The following RIN2 variants were observed in gnomAD, a reference collection of about 807,000 sequenced individuals.
The protein encoded by RIN2 is RAB5 interacting protein 2.
A neutral mutation model predicts 78.0 loss-of-function variants in RIN2; 36 were observed. The ratio of observed to expected loss-of-function variants is 0.46; its 90% CI spans 0.35 to 0.61. The LOEUF is 0.61. Ranked by LOEUF, RIN2 falls within the 20% of genes least tolerant of loss-of-function variation. The pLI is 0.00. For missense variants in RIN2, 1,087 were observed against 1,159.7 expected (o/e 0.94, Z 0.91); for synonymous variants, 466 against 466.8 (o/e 1.00, Z 0.02).
At chr20:19,801,382 G>A (rs750131578) in intron 2 of RIN2, among the ~76,000 whole-genome samples, 23 of 151,834 alleles carry the variant, frequency 1.5e-4, no homozygotes, top group African/African-American at 2.7e-4. Context: ...GTGCAGTGGC[G>A]CAATGTCGGC....
chr20:19,900,644 A>G (rs1392357310), intron 3 of RIN2, among the ~76,000 whole-genome samples: 1 of 115,108 alleles, frequency 8.7e-6, no homozygotes, highest in Non-Finnish European at 1.8e-5. Flanking sequence ...AAAAAAAGAA[A>G]AAACAAAAAC....
At chr20:19,911,484 T>A (rs2039464028) in intron 3 of RIN2, among the ~76,000 whole-genome samples, 1 of 152,222 alleles carries the variant, frequency 6.6e-6, no homozygotes, top group Non-Finnish European at 1.5e-5. Context: ...CTCTAAATCC[T>A]CCTTGTGTAT....
chr20:19,958,651 T>C (rs1036099654), intron 5 of RIN2, among the ~76,000 whole-genome samples: 1 of 152,186 alleles, frequency 6.6e-6, no homozygotes, highest in Non-Finnish European at 1.5e-5. Flanking sequence ...AGCAGATCAC[T>C]TGAGATCAGG....
chr20:19,974,873 A>T lies in RIN2; in HGVS notation c.848A>T (p.Asp283Val), dbSNP rs763012293. The T allele has an allele frequency of 2.9e-5, 47 of 1,613,850 alleles. 1 individual carries two copies. Among genetic ancestry groups the T allele is most frequent in the Non-Finnish European group, 8.5e-7 (1 of 1,179,902 alleles). ...CTTTTCTTGAAAGTGCACAGCCAGGACCTCAGTGGAGGCCTGAAACGGCCG... is the reference window on the plus strand; with the variant it reads ...CTTTTCTTGAAAGTGCACAGCCAGGTCCTCAGTGGAGGCCTGAAACGGCCG... ...NPLFLKVHSQ[D>V]LSGGLKRPST... The change falls in exon 9 of 13, where the codon GAC becomes GTC. Residue 283 changes from aspartate (D) to valine (V), a missense_variant. Coordinates refer to ENST00000255006, the MANE Select transcript of RIN2 (RefSeq NM_018993.4).
At chr20:19,823,962 C>T (rs1028966383) in intron 2 of RIN2, 7 of 1,402,364 alleles carry the variant, frequency 5.0e-6, no homozygotes, top group African/African-American at 4.3e-5. Context: ...CAGCTGGTGT[C>T]GGATGAACCC....
intron 3 of RIN2, among the ~76,000 whole-genome samples, chr20:19,906,689 T>C (rs938977014): frequency 6.6e-6 from 1 of 152,230 alleles, no homozygotes; most frequent in Non-Finnish European, 1.5e-5. Context: ...CCAGGGTTTC[T>C]AATTTTCAAG....
chr20:19,949,505 A>C (rs6081823), intron 4 of RIN2, among the ~76,000 whole-genome samples: 40,446 of 152,056 alleles, frequency 0.27, 6,077 homozygotes, highest in East Asian at 0.43. Context: ...CTTGAACTTT[A>C]TTTTTGCTAT....
intron 4 of RIN2, among the ~76,000 whole-genome samples, chr20:19,941,021 C>CA (rs566661541): frequency 1.3e-5 from 2 of 152,332 alleles, no homozygotes; most frequent in South Asian, 4.1e-4. Context: ...CTCCTGCTGC[C>CA]ACTTCGCTGG....
At chr20:19,958,882 TAAATA>T (rs1430363274) in intron 5 of RIN2, among the ~76,000 whole-genome samples, 1 of 151,556 alleles carries the variant, frequency 6.6e-6, no homozygotes, top group Non-Finnish European at 1.5e-5. Flanking sequence ...ATAAAATAAT[TAAATA>T]AAATAAAGAA....
chr20:19,901,889 G>A (rs981777013), intron 3 of RIN2, among the ~76,000 whole-genome samples: 5 of 151,732 alleles, frequency 3.3e-5, no homozygotes, highest in Non-Finnish European at 4.4e-5. Flanking sequence ...TGGTGCAGGC[G>A]CCTGTAATCT....
chr20:19,919,072 G>T (rs1230689285), intron 3 of RIN2, among the ~76,000 whole-genome samples: 1 of 152,218 alleles, frequency 6.6e-6, no homozygotes, highest in Non-Finnish European at 1.5e-5. Context: ...TCCAGGCTTT[G>T]TGTTTCCCCA....
At position 20,002,379 on chromosome 20, in the gene RIN2, T is replaced by G. The variant is rs1214778453; in HGVS notation, c.*1443T>G. On this transcript the variant is annotated 3_prime_UTR_variant, in exon 13 of 13. Transcript: ENST00000255006. ...TACTGTGTTGTACTTTTGTAAATGA[T>G]TTTTTAAATGGAATTTTGCACATAA... The G allele has an allele frequency of 1.3e-5, 1 of 79,538 alleles. No individual in the cohort carries two copies. The highest frequency in any genetic ancestry group is 4.1e-5 in the African/African-American group (1 of 24,666). 4.9% of individuals were successfully genotyped at this position (79,538 alleles called of 1,614,324 possible).
At chr20:19,939,504 T>C (rs2040777408) in intron 4 of RIN2, among the ~76,000 whole-genome samples, 1 of 152,154 alleles carries the variant, frequency 6.6e-6, no homozygotes, top group Non-Finnish European at 1.5e-5. Context: ...AAGACACATC[T>C]CTCCTTTGTT....
intron 12 of RIN2, 72 bp from the exon 13 acceptor site, chr20:20,000,539 TCC>T: frequency 8.2e-7 from 1 of 1,212,262 alleles, no homozygotes; most frequent in Admixed American, 2.1e-5. Context: ...AGTTACCCCC[TCC>T]CCTGGTCCCC....
chr20:19,823,423 TA>T, intron 2 of RIN2: 1 of 718,232 alleles, frequency 1.4e-6, no homozygotes. Flanking sequence ...AATGATCCTT[TA>T]TTGAAATATT....
At chr20:19,890,083 A>G (rs921559431) in intron 3 of RIN2, among the ~76,000 whole-genome samples, 3 of 152,156 alleles carry the variant, frequency 2.0e-5, no homozygotes, top group African/African-American at 7.2e-5. Flanking sequence ...CAAACAAACA[A>G]AAAACAGCTT....
chr20:19,920,111 G>A (rs967835977), intron 3 of RIN2, among the ~76,000 whole-genome samples: 4 of 151,940 alleles, frequency 2.6e-5, no homozygotes, highest in South Asian at 2.1e-4. Flanking sequence ...TGGCTAACAC[G>A]GTGAAACCCC....
chr20:19,861,642 CCTCCATATCTGATCACT>C, intron 2 of RIN2, among the ~76,000 whole-genome samples: 1 of 151,230 alleles, frequency 6.6e-6, no homozygotes, highest in African/African-American at 2.4e-5. Flanking sequence ...TAATGATCAC[CCTCCATATCTGATCACT>C]CTCCATATCT....
chr20:19,848,493 A>C (rs1463006673), intron 2 of RIN2, among the ~76,000 whole-genome samples: 1 of 147,184 alleles, frequency 6.8e-6, no homozygotes, highest in Non-Finnish European at 1.5e-5. Context: ...CTGAGATCAC[A>C]CCACAGCACT....
Sources: allele counts gnomAD v4.1 joint callset (sites outside exome capture counted in the v4.1 genomes callset), GRCh38; gene constraint gnomAD v4.1.1; transcripts MANE v1.5; gene names NCBI Gene and HGNC (gene_info 2026-07-23, HGNC 2026-07-21).